Variants in CYP4F2 observed in about 807,000 individuals in gnomAD.
The protein encoded by CYP4F2 is cytochrome P450 4F2.
A neutral mutation model predicts 58.9 loss-of-function variants in CYP4F2; 58 were observed. The observed-to-expected ratio is 0.98, with a 90% CI of 0.80 to 1.23. The LOEUF (loss-of-function observed/expected upper bound fraction) is 1.23, where lower values mean the gene tolerates loss of function less well. Ranked by LOEUF, CYP4F2 falls within the 50% of genes most tolerant of loss-of-function variation. CYP4F2 has a pLI of 0.00. For missense variants in CYP4F2, 616 were observed against 685.6 expected, an observed-to-expected ratio of 0.90 and a Z score of 1.13; for synonymous variants, 287 against 261.1, an observed-to-expected ratio of 1.10 and a Z score of -0.95.
intron 9 of CYP4F2, among the ~76,000 whole-genome samples, chr19:15,882,922 GA>G (rs1348991492): frequency 6.6e-6 from 1 of 152,194 alleles, no homozygotes; most frequent in Non-Finnish European, 1.5e-5. Context: ...AGAATACACA[GA>G]AAACTGTTGA....
At chr19:15,894,031 C>T (rs760462375) in intron 3 of CYP4F2, 1 of 213,736 alleles carries the variant, frequency 4.7e-6, no homozygotes, top group Non-Finnish European at 1.0e-5. Flanking sequence ...CTCCTCACAT[C>T]CTCCATGCAG....
intron 9 of CYP4F2, among the ~76,000 whole-genome samples, chr19:15,881,930 TAA>T (rs2089348360): frequency 6.6e-6 from 1 of 152,084 alleles, no homozygotes; most frequent in African/African-American, 2.4e-5. Context: ...TCTTGGGACC[TAA>T]AATAGTCAAG....
intron 9 of CYP4F2, 95 bp downstream of exon 9, chr19:15,885,829 C>A: frequency 6.6e-7 from 1 of 1,521,928 alleles, no homozygotes; most frequent in South Asian, 1.3e-5. Flanking sequence ...GCAATAGTGG[C>A]AGAATCAACA....
chr19:15,888,347 T>TAGACAC (rs2089395209), intron 7 of CYP4F2, among the ~76,000 whole-genome samples: 1 of 149,482 alleles, frequency 6.7e-6, no homozygotes, highest in Non-Finnish European at 1.5e-5. Flanking sequence ...AACATAGACA[T>TAGACAC]AGACACAGAC....
chr19:15,889,920 G>T (rs757818148), intron 6 of CYP4F2, among the ~76,000 whole-genome samples: 10 of 152,132 alleles, frequency 6.6e-5, no homozygotes, highest in Non-Finnish European at 1.5e-4. Flanking sequence ...GGCACCCAGA[G>T]CATAGCTTGC....
Position 15,894,471 on chromosome 19 carries a change from C to T in CYP4F2, c.343+1035G>A, listed in dbSNP as rs1270042327. 2.6e-5 allele frequency among the ~76,000 whole-genome samples: 4 copies of T among 152,084 alleles called. No individual in the cohort carries two copies. In the East Asian group the frequency reaches 7.7e-4, roughly 29 times the overall value. On this transcript the variant is annotated intron_variant, in intron 3 of 12. Transcript: ENST00000221700. ...CGTTGACATCATGAGGAAAAGGCCA[C>T]CTTGATAGGAAAAGCGACATGGAGA... is the stretch of plus-strand genomic sequence containing the variant.
At chr19:15,881,953 C>T (rs1311722002) in intron 9 of CYP4F2, among the ~76,000 whole-genome samples, 1 of 152,056 alleles carries the variant, frequency 6.6e-6, no homozygotes, top group Non-Finnish European at 1.5e-5. Context: ...CTCATAGAAA[C>T]AGGAGTGGAG....
intron 2 of CYP4F2, among the ~76,000 whole-genome samples, chr19:15,896,216 A>G (rs1048348494): frequency 6.7e-6 from 1 of 149,826 alleles, no homozygotes; most frequent in African/African-American, 2.5e-5. Context: ...CTGTGCATCT[A>G]TCTATCTATC....
chr19:15,881,562 GATGGATAGATAGATAGATAGATA>G (rs2089345070), intron 9 of CYP4F2, among the ~76,000 whole-genome samples: 3 of 130,052 alleles, frequency 2.3e-5, no homozygotes, highest in South Asian at 2.6e-4. Flanking sequence ...ATAGATAGAT[GATGGATAGATAGATAGATAGATA>G]GATAGATAGA....
At chr19:15,895,777 A>G (rs1195698944) in intron 2 of CYP4F2, 127 bp from the exon 3 acceptor site, 3 of 1,203,390 alleles carry the variant, frequency 2.5e-6, no homozygotes, top group African/African-American at 1.6e-5. Context: ...TATTCATCCT[A>G]TCTATCTAAT....
chr19:15,885,890 G>T, intron 9 of CYP4F2, 34 bp downstream of exon 9: 2 of 1,602,820 alleles, frequency 1.2e-6, no homozygotes, highest in Middle Eastern at 1.7e-4. Flanking sequence ...CAATGAGAAG[G>T]TCTCAGGAAG....
chr19:15,891,254 A>C (rs937032087), intron 5 of CYP4F2, among the ~76,000 whole-genome samples: 2 of 152,162 alleles, frequency 1.3e-5, no homozygotes, highest in African/African-American at 4.8e-5. Flanking sequence ...GTAATGCAAT[A>C]TATGATGTCA....
chr19:15,883,260 A>G (rs1174965456), intron 9 of CYP4F2, among the ~76,000 whole-genome samples: 2 of 152,200 alleles, frequency 1.3e-5, no homozygotes, highest in Non-Finnish European at 2.9e-5. Flanking sequence ...TAAGGAGCTC[A>G]AATAACTCAA....
intron 3 of CYP4F2, among the ~76,000 whole-genome samples, chr19:15,893,129 TG>T (rs1288004266): frequency 3.3e-5 from 5 of 152,170 alleles, no homozygotes; most frequent in Non-Finnish European, 5.9e-5. Context: ...ATACAGGCTC[TG>T]GGTTGAATAT....
chr19:15,889,590 G>T lies in CYP4F2; in HGVS notation c.751C>A (p.Pro251Thr). Reference sequence around the variant, plus strand: ...GCCCTGCGGAAACGCTGCCCATCAGGGGTGAGATAATACAGGAAGTCAATA... The same window carrying T: ...GCCCTGCGGAAACGCTGCCCATCAGTGGTGAGATAATACAGGAAGTCAATA... The part of the protein sequence containing the change: ...LHIDFLYYLT[P>T]DGQRFRRACR... The change falls in exon 7 of 13, where the codon CCT (proline) becomes ACT (threonine). Residue 251 changes from proline to threonine, a missense_variant. Coordinates refer to ENST00000221700, the MANE Select transcript of CYP4F2 (RefSeq NM_001082.5). 6.2e-7 allele frequency: 1 copy of T among 1,614,212 alleles called. No homozygotes were observed. The highest frequency in any genetic ancestry group is 8.5e-7 in the Non-Finnish European group (1 of 1,180,050).
At chr19:15,887,527 CACATAG>C (rs895812681) in intron 7 of CYP4F2, among the ~76,000 whole-genome samples, 9 of 150,014 alleles carry the variant, frequency 6.0e-5, no homozygotes, top group Non-Finnish European at 1.2e-4. Context: ...CAGACACACA[CACATAG>C]ATAAAGTCAC....
At chr19:15,897,698 G>T in intron 1 of CYP4F2, 86 bp from the exon 2 acceptor site, 1 of 1,509,968 alleles carries the variant, frequency 6.6e-7, no homozygotes, top group Non-Finnish European at 9.0e-7. Context: ...AGGCAGGGAC[G>T]GGCAGTGCCG....
At chr19:15,895,390 T>C in intron 3 of CYP4F2, 116 bp downstream of exon 3, 2 of 1,284,932 alleles carry the variant, frequency 1.6e-6, no homozygotes, top group South Asian at 1.8e-5. Flanking sequence ...AAGATGAAGA[T>C]AGCTGAGAGG....
chr19:15,886,203 A>G, intron 8 of CYP4F2, 39 bp downstream of exon 8: 1 of 1,613,464 alleles, frequency 6.2e-7, no homozygotes, highest in Non-Finnish European at 8.5e-7. Context: ...GAAGGGAGAG[A>G]TCCCGGTCCC....
Sources: gnomAD v4.1 joint callset for allele counts (sites outside exome capture counted in the v4.1 genomes callset) on GRCh38, gnomAD v4.1.1 for gene constraint, MANE v1.5 for transcripts, NCBI Gene and HGNC (gene_info 2026-07-23, HGNC 2026-07-21) for gene names.